Variants in TENM3 observed in about 807,000 individuals in gnomAD.
The protein encoded by TENM3 is teneurin transmembrane protein 3, also known as teneurin-3.
TENM3 carries 63 observed loss-of-function variants against 255.1 expected under a neutral mutation model. The observed-to-expected ratio is 0.25, with a 90% CI of 0.20 to 0.30. The LOEUF (loss-of-function observed/expected upper bound fraction) is 0.30. Among genes scored for constraint, TENM3 ranks in the 10% least tolerant of loss-of-function variants. The pLI is 1.00. For synonymous variants in TENM3, 1,306 were observed against 1,322.3 expected (o/e 0.99, Z 0.27); for missense variants, 2,929 against 3,461.1 (o/e 0.85, Z 3.86).
At chr4:181,474,707 C>A in the TENM3 span, among the ~76,000 whole-genome samples, 805 of 150,470 alleles carry the variant, frequency 5.3e-3, 9 homozygotes, top group African/African-American at 0.019. Context: ...TGCACTCCAG[C>A]CCAGGTAACA....
chr4:181,840,099 G>A, the TENM3 span, among the ~76,000 whole-genome samples: 1 of 151,884 alleles, frequency 6.6e-6, no homozygotes, highest in South Asian at 2.1e-4. Context: ...TTTGTCTCAG[G>A]AATCAAATTT....
chr4:182,196,373 A>C (rs1221063564), intron 1 of TENM3, among the ~76,000 whole-genome samples: 1 of 152,134 alleles, frequency 6.6e-6, no homozygotes. Flanking sequence ...TAGCATCCAG[A>C]AAGTCAGTGT....
chr4:182,178,082 A>G (rs1478546122), intron 1 of TENM3, among the ~76,000 whole-genome samples: 1 of 151,084 alleles, frequency 6.6e-6, no homozygotes, highest in African/African-American at 2.4e-5. Context: ...CCCCTGCAGG[A>G]TTGGTATTTT....
the TENM3 span, among the ~76,000 whole-genome samples, chr4:181,551,414 G>A: frequency 2.6e-5 from 4 of 152,168 alleles, no homozygotes; most frequent in South Asian, 2.1e-4. Context: ...AATGTTTAAC[G>A]TGGGCTGCTA....
intron 3 of TENM3, among the ~76,000 whole-genome samples, chr4:182,586,991 A>G (rs1746085462): frequency 6.6e-6 from 1 of 152,246 alleles, no homozygotes. Flanking sequence ...AAGAAGAATC[A>G]GAAAAAAAGC....
chr4:181,622,430 C>T, the TENM3 span, among the ~76,000 whole-genome samples: 31 of 152,150 alleles, frequency 2.0e-4, no homozygotes, highest in Non-Finnish European at 3.7e-4. Context: ...AATACCAGCA[C>T]TTTGGGAGGC....
chr4:182,632,948 A>C (rs1006144424), intron 5 of TENM3, among the ~76,000 whole-genome samples: 1 of 151,688 alleles, frequency 6.6e-6, no homozygotes, highest in Non-Finnish European at 1.5e-5. Context: ...TTATTTTTTC[A>C]AGGCAAGATC....
chr4:181,728,708 C>T, the TENM3 span, among the ~76,000 whole-genome samples: 1 of 152,244 alleles, frequency 6.6e-6, no homozygotes, highest in Non-Finnish European at 1.5e-5. Flanking sequence ...TCAACCAAGT[C>T]TTTGTGACCT....
the TENM3 span, among the ~76,000 whole-genome samples, chr4:181,458,857 G>T: frequency 2.0e-5 from 3 of 151,922 alleles, no homozygotes; most frequent in Non-Finnish European, 2.9e-5. Context: ...AAGACGCTAT[G>T]AATATTTAAG....
At chr4:181,623,443 TAAG>T in the TENM3 span, among the ~76,000 whole-genome samples, 1 of 152,222 alleles carries the variant, frequency 6.6e-6, no homozygotes, top group African/African-American at 2.4e-5. Flanking sequence ...GCTGAAGTAC[TAAG>T]GAGGAGAGTT....
At chr4:181,810,070 C>T in the TENM3 span, among the ~76,000 whole-genome samples, 5 of 151,698 alleles carry the variant, frequency 3.3e-5, no homozygotes, top group African/African-American at 7.3e-5. Context: ...AAAGGTGGCT[C>T]GAGGTAAATA....
the TENM3 span, among the ~76,000 whole-genome samples, chr4:181,809,591 C>T: frequency 3.9e-5 from 6 of 152,084 alleles, no homozygotes; most frequent in African/African-American, 1.4e-4. Flanking sequence ...CTTATTTTAC[C>T]AATACACATT....
chr4:182,088,759 G>C, the TENM3 span, among the ~76,000 whole-genome samples: 4 of 147,300 alleles, frequency 2.7e-5, no homozygotes, highest in Non-Finnish European at 4.4e-5. Flanking sequence ...GCTTGAACCC[G>C]GGAGGCAGAG....
chr4:182,307,591 A>G lies in TENM3; in HGVS notation c.-75-16355A>G, dbSNP rs545898872. Among the ~76,000 whole-genome samples, 4 of 152,342 alleles carry G rather than the reference A, an allele frequency of 2.6e-5. No individual in the cohort carries two copies. The South Asian group carries it at 8.3e-4, about 32-fold the overall frequency. On this transcript the variant is annotated intron_variant, in intron 1 of 27. Transcript: ENST00000511685. Reference sequence around the variant, plus strand: ...ATAGGGATTATAGCTGTAACTATTAATTGATATCATAACTATTTTGTAATG... The same window carrying G: ...ATAGGGATTATAGCTGTAACTATTAGTTGATATCATAACTATTTTGTAATG...
At chr4:181,898,225 A>G in the TENM3 span, among the ~76,000 whole-genome samples, 2 of 152,220 alleles carry the variant, frequency 1.3e-5, no homozygotes, top group Non-Finnish European at 2.9e-5. Context: ...TAATCTTTGA[A>G]AAAAACAGTA....
intron 1 of TENM3, among the ~76,000 whole-genome samples, chr4:182,252,959 G>C (rs1758122563): frequency 6.6e-6 from 1 of 152,180 alleles, no homozygotes. Flanking sequence ...CTGGACCCAG[G>C]CCTCTCTGTA....
the TENM3 span, among the ~76,000 whole-genome samples, chr4:182,106,289 C>T: frequency 1.3e-5 from 2 of 152,126 alleles, no homozygotes; most frequent in East Asian, 3.9e-4. Context: ...GGCAAAACCC[C>T]ATCTCTACAA....
the TENM3 span, among the ~76,000 whole-genome samples, chr4:181,467,125 A>ATATATTTTTTTTTTT: frequency 4.0e-4 from 7 of 17,600 alleles, no homozygotes; most frequent in South Asian, 1.8e-3. Context: ...ATATATATAT[A>ATATATTTTTTTTTTT]TTTTTTTTTT....
intron 3 of TENM3, among the ~76,000 whole-genome samples, chr4:182,593,196 C>G (rs1453076729): frequency 6.6e-6 from 1 of 152,160 alleles, no homozygotes; most frequent in Admixed American, 6.5e-5. Context: ...GGGCTAAGGC[C>G]AGAGGGTTTT....
Sources: allele counts gnomAD v4.1 joint callset (sites outside exome capture counted in the v4.1 genomes callset), GRCh38; gene constraint gnomAD v4.1.1; transcripts MANE v1.5; gene names NCBI Gene and HGNC (gene_info 2026-07-23, HGNC 2026-07-21).